Variants in TROAP observed in about 807,000 individuals in gnomAD.
TROAP encodes tastin.
A neutral mutation model predicts 83.4 loss-of-function variants in TROAP; 62 were observed. The ratio of observed to expected loss-of-function variants is 0.74; its 90% CI spans 0.61 to 0.92. The LOEUF is 0.92. Ranked by LOEUF, TROAP falls within the 40% of genes least tolerant of loss-of-function variation. TROAP has a pLI of 0.00. For synonymous variants in TROAP, 352 were observed against 386.4 expected (o/e 0.91, Z 1.04); for missense variants, 876 against 985.1 (o/e 0.89, Z 1.48).
chr12:49,330,397 G>A lies in TROAP; in HGVS notation c.1552G>A (p.Ala518Thr). ...ECGEPQPCPP[A>T]EPGPPEAFCR... ...CGGGGAACCACAGCCCTGCCCTCCG[G>A]CAGAGCCTGGGCCCCCAGAGGCCTT... Residue 518 changes from alanine to threonine, a missense_variant, in exon 13 of 15, where the codon GCA becomes ACA. Physicochemically the swap from Ala to Thr is moderately conservative, Grantham distance 58 (BLOSUM62 0). Around this residue, in one of 3 missense-constraint regions of TROAP, gnomAD observed 689 missense variants for 722.6 expected, o/e 0.95. Coordinates refer to ENST00000257909, the MANE Select transcript of TROAP (RefSeq NM_005480.4). The A allele has an allele frequency of 6.2e-7, 1 of 1,614,174 alleles. No individual in the cohort carries two copies. Among genetic ancestry groups the A allele is most frequent in the South Asian group, 1.1e-5 (1 of 91,084 alleles).
intron 8 of TROAP, among the ~76,000 whole-genome samples, chr12:49,328,424 T>C (rs1284434514): frequency 2.6e-5 from 4 of 152,012 alleles, no homozygotes; most frequent in South Asian, 2.1e-4. Flanking sequence ...GATTTCTCCA[T>C]GTTGGTCAAG....
In TROAP at chr12:49,328,941, C is replaced by A; in HGVS notation, c.906C>A (p.Ser302=). 1.3e-6 allele frequency: 2 copies of A among 1,574,278 alleles called. No homozygotes were observed. ...EMSHTRDSHD[S]HLMPSPAPVA... is the part of the protein sequence containing the mutation. ...CTTCTTCACAGGACAGCCATGACTCCCACCTGATGCCCTCCCCTGCCCCTG... is the reference window on the plus strand; with the variant it reads ...CTTCTTCACAGGACAGCCATGACTCACACCTGATGCCCTCCCCTGCCCCTG... The change falls in exon 9 of 15, where the codon TCC becomes TCA. Residue 302 remains serine, a synonymous_variant. Transcript: ENST00000257909.
rs1404664196 is a variant in TROAP, at chr12:49,329,896, A to G, written c.1204A>G (p.Ile402Val). The change falls in exon 12 of 15, where the codon ATA becomes GTA. Residue 402 changes from isoleucine (I) to valine (V), a missense_variant. By Grantham distance (29) the Ile-to-Val change is conservative. Around this residue, in one of 3 missense-constraint regions of TROAP, gnomAD observed 689 missense variants for 722.6 expected, o/e 0.95. Coordinates refer to ENST00000257909, the MANE Select transcript of TROAP (RefSeq NM_005480.4). This position sits in a 1 kb window ranked among gnomAD's most constrained non-coding sequence, Gnocchi z 4.5. ...AVRLFDQESC[I>V]RSLEGSGKPP... is the part of the protein sequence containing the mutation. The stretch of plus-strand genomic sequence containing the variant: ...CCGGTTGTTTGACCAGGAGAGTTGT[A>G]TAAGGTCACTGGAGGGTTCTGGGAA... 2 of 1,614,036 alleles carry G rather than the reference A, an allele frequency of 1.2e-6. No homozygotes were observed. The highest frequency in any genetic ancestry group is 2.2e-5 in the East Asian group (1 of 44,880).
In TROAP at chr12:49,329,065, A is replaced by G; in HGVS notation, c.1020+10A>G. 1 of 1,612,340 alleles carries G rather than the reference A, an allele frequency of 6.2e-7. No individual in the cohort carries two copies. ...AGGCCCTCCAACTCTGGTTTGTGTC[A>G]ACAACTGGGGGCTGGGCAGGGGCAG... On this transcript the variant is annotated intron_variant, in intron 9 of 14. Transcript: ENST00000257909. This position sits in a 1 kb window ranked among gnomAD's most constrained non-coding sequence, Gnocchi z 4.5.
At chr12:49,327,078 G>A (rs1183505779) in intron 7 of TROAP, 131 bp from the exon 8 acceptor site, 2 of 1,113,036 alleles carry the variant, frequency 1.8e-6, no homozygotes, top group Non-Finnish European at 2.6e-6. Flanking sequence ...GGGGCTGCTG[G>A]ATGGGTTCCT....
At position 49,331,319 on chromosome 12, in the gene TROAP, C is replaced by G. The variant is rs1396998848; in HGVS notation, c.2204C>G (p.Ala735Gly). 1 of 1,614,102 alleles carries G rather than the reference C, an allele frequency of 6.2e-7. No homozygotes were observed. The highest frequency in any genetic ancestry group is 8.5e-7 in the Non-Finnish European group (1 of 1,180,048). ...FHEARLDDEC[A>G]FYTSRAPPSG... ...GAGGCTCGTCTGGACGATGAGTGTG[C>G]CTTTTACACCAGCCGAGCCCCTCCC... The change falls in exon 14 of 15, where the codon GCC becomes GGC. Residue 735 changes from alanine (A) to glycine (G), a missense_variant. By Grantham distance (60) the Ala-to-Gly change is moderately conservative (BLOSUM62 0). Coordinates refer to ENST00000257909, the MANE Select transcript of TROAP (RefSeq NM_005480.4).
chr12:49,324,974 G>A (rs1592309912), intron 3 of TROAP, among the ~76,000 whole-genome samples: 2 of 145,808 alleles, frequency 1.4e-5, no homozygotes, highest in Non-Finnish European at 3.0e-5. Flanking sequence ...GCAGTGGCAC[G>A]ATCTTGGCTC....
Position 49,325,817 on chromosome 12 carries a change from G to C in TROAP, c.566G>C (p.Cys189Ser). 6.2e-7 allele frequency: 1 copy of C among 1,614,134 alleles called. No homozygotes were observed. Among genetic ancestry groups the C allele is most frequent in the Non-Finnish European group, 8.5e-7 (1 of 1,180,028 alleles). The change falls in exon 5 of 15, where the codon TGC becomes TCC. Residue 189 changes from cysteine (C) to serine (S), a missense_variant. Physicochemically the swap from Cys to Ser is moderately radical, Grantham distance 112 (BLOSUM62 -1). Around this residue, in one of 3 missense-constraint regions of TROAP, gnomAD observed 689 missense variants for 722.6 expected, o/e 0.95. Coordinates refer to ENST00000257909, the MANE Select transcript of TROAP (RefSeq NM_005480.4). ...THRLDPARAS[C>S]FSRLEGPGPR... ...CGACTGGACCCTGCCAGGGCTTCCT[G>C]CTTCTCTAGGCTGGAGGGACCAGGA...
chr12:49,323,597 A>T lies in TROAP; in HGVS notation c.-5-7A>T, dbSNP rs200464830. On this transcript the variant is annotated splice_region_variant and splice_polypyrimidine_tract_variant and intron_variant, in intron 1 of 14. Coordinates refer to ENST00000257909, the MANE Select transcript of TROAP (RefSeq NM_005480.4). ...TCTGCCTGCCTTCTTCCCCGTCTCA[A>T]TTGTAGCCATCATGACCACCCGGCA... 3 of 1,613,208 alleles carry T rather than the reference A, an allele frequency of 1.9e-6. No individual in the cohort carries two copies. The highest frequency in any genetic ancestry group is 1.7e-6 in the Non-Finnish European group (2 of 1,179,598).
intron 1 of TROAP, 52 bp from the exon 2 acceptor site, chr12:49,323,552 G>A: frequency 6.3e-7 from 1 of 1,591,498 alleles, no homozygotes; most frequent in Non-Finnish European, 8.6e-7. Context: ...CCGAGAACTG[G>A]TTGATCTTTG....
At chr12:49,331,169 A>G in intron 13 of TROAP, 45 bp from the exon 14 acceptor site, 1 of 1,610,806 alleles carries the variant, frequency 6.2e-7, no homozygotes. Context: ...ACATGGTGGA[A>G]GTATAGGACC....
Position 49,331,285 on chromosome 12 carries a change from T to C in TROAP, c.2170T>C (p.Cys724Arg). ...CAAATCGTGTTTAACCGCCATCCAC[T>C]GCTTCCACGAGGCTCGTCTGGACGA... ...RLKSCLTAIHCFHEARLDDEC... is the reference protein window; with the variant it reads ...RLKSCLTAIHRFHEARLDDEC... The change falls in exon 14 of 15, where the codon TGC becomes CGC. Residue 724 changes from cysteine (C) to arginine (R), a missense_variant. Around this residue, in one of 3 missense-constraint regions of TROAP, gnomAD observed 184 missense variants for 238.3 expected, o/e 0.77. Transcript: ENST00000257909. 6 of 1,614,204 alleles carry C rather than the reference T, an allele frequency of 3.7e-6. No individual in the cohort carries two copies. Among genetic ancestry groups the C allele is most frequent in the Non-Finnish European group, 4.2e-6 (5 of 1,180,040 alleles).
chr12:49,330,833 G>C lies in TROAP; in HGVS notation c.1988G>C (p.Ser663Thr), dbSNP rs1279836366. The stretch of plus-strand genomic sequence containing the variant: ...GAGTCCAGTCTACCACCCTGCTGCA[G>C]TCAGTGGGCTCCAGCAACCACCAGC... ...SLESSLPPCC[S>T]QWAPATTSLI... Residue 663 changes from serine (S) to threonine (T), a missense_variant, in exon 13 of 15, where the codon AGT (serine) becomes ACT (threonine). Ser to Thr is a moderately conservative substitution (Grantham distance 58, BLOSUM62 1). This residue lies in a region of TROAP where 184 missense variants were observed against 238.3 expected (regional missense o/e 0.77). Coordinates refer to ENST00000257909, the MANE Select transcript of TROAP (RefSeq NM_005480.4). 2 of 1,613,444 alleles carry C rather than the reference G, an allele frequency of 1.2e-6. No individual in the cohort carries two copies. Among genetic ancestry groups the C allele is most frequent in the Non-Finnish European group, 1.7e-6 (2 of 1,180,012 alleles).
intron 6 of TROAP, 51 bp from the exon 7 acceptor site, chr12:49,326,617 G>C: frequency 6.5e-7 from 1 of 1,533,892 alleles, no homozygotes; most frequent in Non-Finnish European, 8.8e-7. Flanking sequence ...CACATGTCCA[G>C]CTCATACTTG....
rs1384309612 is a variant in TROAP, at chr12:49,325,864, C to T, written c.613C>T (p.Pro205Ser). Reference sequence around the variant, plus strand: ...AGGACCTCGAGGCCGGACATTGTGCCCCCAGAGGCTACAGGCTCTGGTGAG... The same window carrying T: ...AGGACCTCGAGGCCGGACATTGTGCTCCCAGAGGCTACAGGCTCTGGTGAG... ...GPGPRGRTLCPQRLQALISPS... is the reference protein window; with the variant it reads ...GPGPRGRTLCSQRLQALISPS... The change falls in exon 5 of 15, where the codon CCC becomes TCC. Residue 205 changes from proline to serine, a missense_variant. Physicochemically the swap from Pro to Ser is moderately conservative, Grantham distance 74 (BLOSUM62 -1). This residue lies in a region of TROAP where 689 missense variants were observed against 722.6 expected (regional missense o/e 0.95). Coordinates refer to ENST00000257909, the MANE Select transcript of TROAP (RefSeq NM_005480.4). 7 of 1,613,642 alleles carry T rather than the reference C, an allele frequency of 4.3e-6. No homozygotes were observed. Among genetic ancestry groups the T allele is most frequent in the Non-Finnish European group, 5.9e-6 (7 of 1,179,960 alleles).
chr12:49,325,443 A>G, intron 3 of TROAP, 58 bp from the exon 4 acceptor site: 1 of 1,544,630 alleles, frequency 6.5e-7, no homozygotes, highest in Non-Finnish European at 8.8e-7. Context: ...TTCCTATGCT[A>G]GGGGCCCTAT....
intron 7 of TROAP, 62 bp downstream of exon 7, chr12:49,326,782 G>A: frequency 6.5e-7 from 1 of 1,533,878 alleles, no homozygotes; most frequent in African/African-American, 1.4e-5. Flanking sequence ...CAGGGAACAA[G>A]ACCAGAGAAA....
At chr12:49,324,120 C>CACT in intron 3 of TROAP, 83 bp downstream of exon 3, 1 of 1,613,836 alleles carries the variant, frequency 6.2e-7, no homozygotes, top group South Asian at 1.1e-5. Context: ...TGGGGTTTTG[C>CACT]ACTCACTCCT....
chr12:49,329,055 G>A lies in TROAP; in HGVS notation c.1020G>A (p.Leu340=). 6.2e-7 allele frequency: 1 copy of A among 1,612,106 alleles called. No individual in the cohort carries two copies. Among genetic ancestry groups the A allele is most frequent in the Non-Finnish European group, 8.5e-7 (1 of 1,178,588 alleles). The change falls in exon 9 of 15, where the codon CTG becomes CTA. Residue 340 remains leucine, a splice_region_variant and synonymous_variant. Coordinates refer to ENST00000257909, the MANE Select transcript of TROAP (RefSeq NM_005480.4). The surrounding 1 kb of genome is among the most constrained non-coding windows in gnomAD (Gnocchi z 4.5). ...QRVPSPGPPT[L]TSYSVLRRLT... ...TACCCTCCCCAGGCCCTCCAACTCT[G>A]GTTTGTGTCAACAACTGGGGGCTGG...
Sources: allele counts gnomAD v4.1 joint callset (sites outside exome capture counted in the v4.1 genomes callset), GRCh38; gene constraint gnomAD v4.1.1; regional missense constraint gnomAD v4.1.1; non-coding constraint Gnocchi (gnomAD v3.1); transcripts MANE v1.5; gene names NCBI Gene and HGNC (gene_info 2026-07-23, HGNC 2026-07-21).